CDH18: variants seen among roughly 807,000 people sequenced by gnomAD.
The protein encoded by CDH18 is cadherin-18.
In CDH18, 31 loss-of-function variants were observed where a neutral mutation model predicts 67.9. The ratio of observed to expected loss-of-function variants is 0.46; its 90% CI spans 0.34 to 0.62. CDH18 has a LOEUF of 0.62. Ranked by LOEUF, CDH18 falls within the 20% of genes least tolerant of loss-of-function variation. The pLI, the probability that CDH18 is intolerant of heterozygous loss-of-function variation, is 0.01. For synonymous variants in CDH18, 362 were observed against 347.2 expected (o/e 1.04, Z -0.48); for missense variants, 890 against 975.5 (o/e 0.91, Z 1.17).
At chr5:19,590,140 T>A (rs1744852409) in intron 7 of CDH18, among the ~76,000 whole-genome samples, 1 of 152,100 alleles carries the variant, frequency 6.6e-6, no homozygotes, top group Non-Finnish European at 1.5e-5. Context: ...ACATAGCAAC[T>A]GACACATTGA....
chr5:20,382,240 A>C lies in CDH18; in HGVS notation c.-579-126735T>G, dbSNP rs569172272. Reference sequence around the variant, plus strand: ...AGAGAAGTGAGACAATACCTTCTGTAACTTCACAGCAGTGACAACTGGCAT... The same window carrying C: ...AGAGAAGTGAGACAATACCTTCTGTCACTTCACAGCAGTGACAACTGGCAT... On this transcript the variant is annotated intron_variant, in intron 1 of 14. Transcript: ENST00000507958. Among the ~76,000 whole-genome samples, 131 of 152,312 alleles carry C rather than the reference A, an allele frequency of 8.6e-4. No individual in the cohort carries two copies. The South Asian group carries it at 0.026, about 30-fold the overall frequency.
intron 1 of CDH18, among the ~76,000 whole-genome samples, chr5:20,465,218 G>A (rs1169365436): frequency 1.3e-5 from 2 of 151,802 alleles, no homozygotes; most frequent in Non-Finnish European, 2.9e-5. Context: ...GCAATGAAGA[G>A]AAGACTGAAA....
At chr5:19,600,216 G>A in intron 6 of CDH18, among the ~76,000 whole-genome samples, 1 of 130,710 alleles carries the variant, frequency 7.7e-6, no homozygotes, top group Admixed American at 8.0e-5. Context: ...GGGGGAGGGG[G>A]GAGGGATAGC....
At chr5:20,284,735 T>A (rs539922468) in intron 1 of CDH18, among the ~76,000 whole-genome samples, 4 of 152,060 alleles carry the variant, frequency 2.6e-5, no homozygotes, top group Admixed American at 6.6e-5. Context: ...TTAAAACTAA[T>A]ATTTTAAACC....
chr5:19,680,561 T>C (rs1027500594), intron 5 of CDH18, among the ~76,000 whole-genome samples: 2 of 151,776 alleles, frequency 1.3e-5, no homozygotes, highest in Non-Finnish European at 2.9e-5. Flanking sequence ...CATAAATAAG[T>C]AAGAAGCAAA....
chr5:19,794,815 A>G (rs920526259), intron 3 of CDH18, among the ~76,000 whole-genome samples: 2 of 152,178 alleles, frequency 1.3e-5, no homozygotes, highest in African/African-American at 4.8e-5. Context: ...TAGTTCAGAT[A>G]AGATGATATA....
At chr5:20,374,241 C>T (rs1743234518) in intron 1 of CDH18, among the ~76,000 whole-genome samples, 1 of 152,174 alleles carries the variant, frequency 6.6e-6, no homozygotes, top group South Asian at 2.1e-4. Flanking sequence ...CTCAATTCTA[C>T]AGATACCGGC....
At chr5:19,723,193 T>C (rs12187976) in intron 4 of CDH18, among the ~76,000 whole-genome samples, 139,800 of 152,012 alleles carry the variant, frequency 0.92, 65,416 homozygotes, top group East Asian at 1. Context: ...TGCTTGAACC[T>C]GGGAGGTGGA....
At chr5:20,409,158 T>C (rs193226825) in intron 1 of CDH18, among the ~76,000 whole-genome samples, 43 of 151,858 alleles carry the variant, frequency 2.8e-4, no homozygotes, top group African/African-American at 9.6e-4. Context: ...TAAGCAACAC[T>C]ATAGAGCGAA....
intron 2 of CDH18, among the ~76,000 whole-genome samples, chr5:20,037,626 G>T (rs1739995609): frequency 6.6e-6 from 1 of 152,078 alleles, no homozygotes; most frequent in Non-Finnish European, 1.5e-5. Flanking sequence ...TGAAATTAAG[G>T]CAGAAATAAA....
intron 3 of CDH18, among the ~76,000 whole-genome samples, chr5:19,830,329 A>T (rs569471181): frequency 5.8e-4 from 88 of 152,276 alleles, no homozygotes; most frequent in Non-Finnish European, 1.0e-3. Flanking sequence ...TATGAAAATT[A>T]AACAAATTAG....
intron 5 of CDH18, among the ~76,000 whole-genome samples, chr5:19,656,561 G>C (rs1756433959): frequency 1.3e-5 from 2 of 152,080 alleles, no homozygotes; most frequent in East Asian, 1.9e-4. Flanking sequence ...AGCTGAACTA[G>C]AATTAGAACT....
chr5:19,527,729 T>G (rs1048249724), intron 9 of CDH18, among the ~76,000 whole-genome samples: 1 of 151,814 alleles, frequency 6.6e-6, no homozygotes, highest in African/African-American at 2.4e-5. Context: ...ACTTATCCCA[T>G]ATATTTATTC....
At chr5:20,537,689 G>T (rs1034297155) in intron 1 of CDH18, among the ~76,000 whole-genome samples, 2 of 151,922 alleles carry the variant, frequency 1.3e-5, no homozygotes, top group Non-Finnish European at 2.9e-5. Context: ...CAATTTAACT[G>T]GCACAAAGAT....
chr5:19,859,507 G>C (rs1784652790), intron 2 of CDH18, among the ~76,000 whole-genome samples: 1 of 152,048 alleles, frequency 6.6e-6, no homozygotes, highest in South Asian at 2.1e-4. Flanking sequence ...TCTTTTTCCT[G>C]ATCTAGGAGA....
chr5:19,650,098 AT>A (rs1395683674), intron 5 of CDH18, among the ~76,000 whole-genome samples: 6 of 152,058 alleles, frequency 3.9e-5, no homozygotes. Context: ...ATAATTTTCA[AT>A]ACTTACTGTA....
chr5:19,484,594 C>T (rs1271142671), intron 11 of CDH18, among the ~76,000 whole-genome samples: 2 of 152,204 alleles, frequency 1.3e-5, no homozygotes, highest in Non-Finnish European at 2.9e-5. Context: ...CCCCAGGTCA[C>T]ACTTCTGGAA....
chr5:20,204,136 C>G (rs1333247702), intron 2 of CDH18, among the ~76,000 whole-genome samples: 1 of 151,948 alleles, frequency 6.6e-6, no homozygotes, highest in Non-Finnish European at 1.5e-5. Flanking sequence ...CATCCAGGTG[C>G]AGAAACGTCA....
chr5:19,498,440 G>C (rs567949714), intron 11 of CDH18, among the ~76,000 whole-genome samples: 1 of 152,150 alleles, frequency 6.6e-6, no homozygotes, highest in African/African-American at 2.4e-5. Flanking sequence ...AAACTGTTCC[G>C]TAGTCTTAAG....
Sources: gnomAD v4.1 joint callset for allele counts (sites outside exome capture counted in the v4.1 genomes callset) on GRCh38, gnomAD v4.1.1 for gene constraint, MANE v1.5 for transcripts, NCBI Gene and HGNC (gene_info 2026-07-23, HGNC 2026-07-21) for gene names.